The following ZNF74 variants were observed in gnomAD, a reference collection of about 807,000 sequenced individuals.
ZNF74 encodes zinc finger protein 74, also known as zinc finger protein 520.
ZNF74 carries 12 observed loss-of-function variants against 17.7 expected under a neutral mutation model. The observed-to-expected ratio is 0.68, with a 90% CI of 0.43 to 1.10. ZNF74 has a LOEUF of 1.10. Among genes scored for constraint, ZNF74 ranks in the 50% least tolerant of loss-of-function variants. The pLI, the probability that ZNF74 is intolerant of heterozygous loss-of-function variation, is 0.00. For synonymous variants in ZNF74, 358 were observed against 362.1 expected (o/e 0.99, Z 0.13); for missense variants, 811 against 881.0 (o/e 0.92, Z 1.01).
Position 20,401,709 on chromosome 22 carries a change from G to T in ZNF74, c.343+337G>T, listed in dbSNP as rs930109090. On this transcript the variant is annotated intron_variant, in intron 4 of 4. Coordinates refer to ENST00000400451, the MANE Select transcript of ZNF74 (RefSeq NM_003426.4). This position sits in a 1 kb window ranked among gnomAD's most constrained non-coding sequence, Gnocchi z 4.2. ...GGGGCAGGGGGCCACCAGGGAAGGG[G>T]CAGCTGGCGTTGGTCAGTGTCAGGG... is the stretch of plus-strand genomic sequence containing the variant. Among the ~76,000 whole-genome samples the T allele has an allele frequency of 1.3e-5, 2 of 152,194 alleles. No individual in the cohort carries two copies. The highest frequency in any genetic ancestry group is 1.3e-4 in the Admixed American group (2 of 15,278).
chr22:20,399,566 A>G (rs901391516), intron 2 of ZNF74: 4 of 378,490 alleles, frequency 1.1e-5, no homozygotes, highest in African/African-American at 7.0e-5. Context: ...TTGGATTTAC[A>G]TGTCCTTTTT....
chr22:20,403,779 T>G, intron 4 of ZNF74, among the ~76,000 whole-genome samples: 1 of 149,808 alleles, frequency 6.7e-6, no homozygotes, highest in East Asian at 2.0e-4. Flanking sequence ...CGCCCTCTGC[T>G]TCCCCCGCCC....
chr22:20,404,000 C>CCATGTGT (rs1226563398), intron 4 of ZNF74, among the ~76,000 whole-genome samples: 1 of 152,224 alleles, frequency 6.6e-6, no homozygotes, highest in Non-Finnish European at 1.5e-5. Flanking sequence ...TGGCTACCTG[C>CCATGTGT]CATGTGTGCC....
At chr22:20,395,962 T>C (rs760952308) in intron 2 of ZNF74, among the ~76,000 whole-genome samples, 2 of 152,074 alleles carry the variant, frequency 1.3e-5, no homozygotes, top group Non-Finnish European at 2.9e-5. Flanking sequence ...TTAGAGAATC[T>C]GGGGGCTCAG....
chr22:20,404,728 T>C (rs2052393800), intron 4 of ZNF74, among the ~76,000 whole-genome samples: 1 of 152,180 alleles, frequency 6.6e-6, no homozygotes, highest in Non-Finnish European at 1.5e-5. Context: ...GAGAAAGCAT[T>C]TGCAATTCCC....
chr22:20,395,779 G>T (rs2052286188), intron 2 of ZNF74, among the ~76,000 whole-genome samples: 1 of 152,174 alleles, frequency 6.6e-6, no homozygotes, highest in South Asian at 2.1e-4. Flanking sequence ...GTTGGTGCAG[G>T]ATGTTTGCAC....
At chr22:20,399,599 TGGC>T in intron 2 of ZNF74, 1 of 404,202 alleles carries the variant, frequency 2.5e-6, no homozygotes, top group Non-Finnish European at 4.8e-6. Context: ...TGACAGAGTT[TGGC>T]TCTTGTCACC....
chr22:20,400,347 C>T, intron 2 of ZNF74: 1 of 419,046 alleles, frequency 2.4e-6, no homozygotes, highest in Non-Finnish European at 4.5e-6. Flanking sequence ...CAGCCATGTA[C>T]AGCCCCTGGG....
At chr22:20,399,485 TCA>T (rs1156325786) in intron 2 of ZNF74, 1 of 260,842 alleles carries the variant, frequency 3.8e-6, no homozygotes, top group African/African-American at 2.4e-5. Context: ...CTTTTTGAAT[TCA>T]GTTTGACAAT....
At chr22:20,395,711 G>GAGAA (rs1365628439) in intron 2 of ZNF74, among the ~76,000 whole-genome samples, 1 of 152,216 alleles carries the variant, frequency 6.6e-6, no homozygotes, top group Admixed American at 6.5e-5. Flanking sequence ...AGTGGAATCT[G>GAGAA]AGAAAGTAGT....
At chr22:20,399,495 A>G in intron 2 of ZNF74, 1 of 273,254 alleles carries the variant, frequency 3.7e-6, no homozygotes, top group South Asian at 3.0e-5. Context: ...TCAGTTTGAC[A>G]ATCTCCACCT....
rs763367647 is a variant in ZNF74, at chr22:20,405,777, C to T, written c.744C>T (p.Phe248=). The T allele has an allele frequency of 4.3e-6, 7 of 1,609,920 alleles. No homozygotes were observed. Among genetic ancestry groups the T allele is most frequent in the Non-Finnish European group, 5.9e-6 (7 of 1,178,554 alleles). Residue 248 remains phenylalanine, a synonymous_variant, in exon 5 of 5, where the codon TTC becomes TTT. Coordinates refer to ENST00000400451, the MANE Select transcript of ZNF74 (RefSeq NM_003426.4). ...QRGAGAGEGE[F]VCGECGKAFR... ...GGGCGGGCGCCGGGGAGGGCGAGTT[C>T]GTGTGCGGCGAGTGCGGGAAGGCGT... is the stretch of plus-strand genomic sequence containing the variant.
chr22:20,406,648 C>T lies in ZNF74; in HGVS notation c.1615C>T (p.Gln539Ter), dbSNP rs1392623471. 2 of 1,614,210 alleles carry T rather than the reference C, an allele frequency of 1.2e-6. No homozygotes were observed. The highest frequency in any genetic ancestry group is 2.2e-5 in the East Asian group (1 of 44,882). The change falls in exon 5 of 5, where the codon CAG (glutamine) becomes TAG (stop). Residue 539 changes from glutamine to a stop codon, truncating the protein, a stop_gained. Coordinates refer to ENST00000400451, the MANE Select transcript of ZNF74 (RefSeq NM_003426.4). LOFTEE classifies it low-confidence loss of function (END_TRUNC). ...CAGCGAGTGCGGCAGAGCCTTCAGC[C>T]AGAACCACTGTCTCATTAAACATCA... ...KCSECGRAFSQNHCLIKHQKI... is the reference protein window; with the variant it reads ...KCSECGRAFS
rs763417111 is a variant in ZNF74 at position 20,405,834 on chromosome 22, G to A, written c.801G>A (p.Arg267=). 2.5e-6 allele frequency: 4 copies of A among 1,613,460 alleles called. No individual in the cohort carries two copies. The change falls in exon 5 of 5, where the codon CGG becomes CGA. Residue 267 remains arginine (R), a synonymous_variant. Transcript: ENST00000400451. ...AGAGCTCCTCCCTCACGCTGCACCG[G>A]CGCTGGCACAGCCGGGAGAAGGCTT... ...FRQSSSLTLH[R]RWHSREKAYK...
chr22:20,394,408 G>A lies in ZNF74; in HGVS notation c.-221G>A, dbSNP rs1163390479. 4.7e-6 allele frequency: 3 copies of A among 644,620 alleles called. No individual in the cohort carries two copies. Among genetic ancestry groups the A allele is most frequent in the Non-Finnish European group, 8.5e-6 (3 of 353,934 alleles). The allele number at this position is 644,620 out of a possible 1,614,324, so 39.9% of individuals were successfully genotyped here. ...CCGAGCATGGGGCTGAGCCTGGTGTGGGGAGTGGGTATCTGCGGAGCCGGC... is the reference window on the plus strand; with the variant it reads ...CCGAGCATGGGGCTGAGCCTGGTGTAGGGAGTGGGTATCTGCGGAGCCGGC... On this transcript the variant is annotated 5_prime_UTR_variant, in exon 1 of 5. It introduces an in-frame stop codon into an upstream open reading frame of the 5' UTR. Transcript: ENST00000400451.
At position 20,394,619 on chromosome 22, in the gene ZNF74, C is replaced by G; in HGVS notation, c.-10C>G. ...TGCCCACTCCTCCTGGGGAGGCTGC[C>G]GTGGAGGCCATGGAGATCCCTGCCC... On this transcript the variant is annotated 5_prime_UTR_variant, in exon 1 of 5. Coordinates refer to ENST00000400451, the MANE Select transcript of ZNF74 (RefSeq NM_003426.4). 1 of 1,614,102 alleles carries G rather than the reference C, an allele frequency of 6.2e-7. No homozygotes were observed. Among genetic ancestry groups the G allele is most frequent in the Non-Finnish European group, 8.5e-7 (1 of 1,179,984 alleles).
intron 2 of ZNF74, chr22:20,400,125 C>T (rs995959013): frequency 1.8e-5 from 3 of 165,496 alleles, no homozygotes; most frequent in Admixed American, 5.5e-5. Context: ...CTCTTAGTCC[C>T]TTGGGGCACA....
intron 4 of ZNF74, among the ~76,000 whole-genome samples, chr22:20,402,637 A>G (rs2052371110): frequency 6.6e-6 from 1 of 152,118 alleles, no homozygotes; most frequent in African/African-American, 2.4e-5. Context: ...CCCTGTCTCT[A>G]CTAAAATTAC....
At chr22:20,403,283 G>C (rs552872639) in intron 4 of ZNF74, among the ~76,000 whole-genome samples, 1 of 149,384 alleles carries the variant, frequency 6.7e-6, no homozygotes, top group East Asian at 2.0e-4. Flanking sequence ...ACCATCTCGT[G>C]GGCCTCTGCT....
Sources: allele counts gnomAD v4.1 joint callset (sites outside exome capture counted in the v4.1 genomes callset), GRCh38; gene constraint gnomAD v4.1.1; non-coding constraint Gnocchi (gnomAD v3.1); transcripts MANE v1.5; gene names NCBI Gene and HGNC (gene_info 2026-07-23, HGNC 2026-07-21).